FAT4: variants seen among roughly 807,000 people sequenced by gnomAD.
The protein encoded by FAT4 is FAT atypical cadherin 4, also known as protocadherin Fat 4.
In FAT4, 84 loss-of-function variants were observed where a neutral mutation model predicts 303.9. The observed-to-expected ratio is 0.28, with a 90% confidence interval of 0.23 to 0.33. FAT4 has a LOEUF of 0.33. Ranked by LOEUF, FAT4 falls within the 10% of genes least tolerant of loss-of-function variation. The pLI, the probability that FAT4 is intolerant of heterozygous loss-of-function variation, is 1.00. For missense variants in FAT4, 6,005 were observed against 6,146.8 expected (o/e 0.98, Z 0.77); for synonymous variants, 2,307 against 2,298.8 (o/e 1.00, Z -0.10).
At chr4:125,469,566 T>C (rs1012850552) in intron 12 of FAT4, among the ~76,000 whole-genome samples, 1 of 152,226 alleles carries the variant, frequency 6.6e-6, no homozygotes, top group African/African-American at 2.4e-5. Context: ...ATTTCAACAA[T>C]GTTCACAGCA....
At position 125,444,524 on chromosome 4, in the gene FAT4, A is replaced by C. The variant is rs148400481; in HGVS notation, c.7200-1769A>C. ...AACACTGTTACAATGACTAATTTCA[A>C]GGAACATTTAAATGATAGCAAGTCT... On this transcript the variant is annotated intron_variant, in intron 8 of 17. Coordinates refer to ENST00000394329, the MANE Select transcript of FAT4 (RefSeq NM_001291303.3). 2.0e-5 allele frequency among the ~76,000 whole-genome samples: 3 copies of C among 152,266 alleles called. No individual in the cohort carries two copies. The South Asian group carries it at 6.2e-4, about 32-fold the overall frequency.
At position 125,491,493 on chromosome 4, in the gene FAT4, C is replaced by G. The variant is rs765997899; in HGVS notation, c.14677C>G (p.Arg4893Gly). ...TAATTATGGAGCCAGACTGAAGCCT[C>G]GAAGGTACCACGGTCGCAGGGCCGA... ...EDNYGARLKP[R>G]RYHGRRAEGG... Residue 4893 changes from arginine to glycine, a missense_variant, in exon 18 of 18, where the codon CGA becomes GGA. By Grantham distance (125) the Arg-to-Gly change is moderately radical. Transcript: ENST00000394329. 2 of 1,614,026 alleles carry G rather than the reference C, an allele frequency of 1.2e-6. No individual in the cohort carries two copies. Among genetic ancestry groups the G allele is most frequent in the African/African-American group, 1.3e-5 (1 of 74,918 alleles).
chr4:125,489,863 TTTTTTG>T (rs773512819), intron 17 of FAT4, 32 bp from the exon 18 acceptor site: 10 of 1,122,036 alleles, frequency 8.9e-6, no homozygotes, highest in Admixed American at 8.3e-5. Flanking sequence ...TTTTTTTTTT[TTTTTTG>T]TAAAAAGCCT....
rs562904313 is a variant in FAT4 at position 125,338,388 on chromosome 4, A to G, written c.5175+16802A>G. Reference sequence around the variant, plus strand: ...CTTGTTCTTATGTTTTATTGTGGATAATGTGTTGGCCTTTGTACTACCTTC... The same window carrying G: ...CTTGTTCTTATGTTTTATTGTGGATGATGTGTTGGCCTTTGTACTACCTTC... On this transcript the variant is annotated intron_variant, in intron 2 of 17. Coordinates refer to ENST00000394329, the MANE Select transcript of FAT4 (RefSeq NM_001291303.3). Among the ~76,000 whole-genome samples the G allele has an allele frequency of 3.9e-5, 6 of 152,306 alleles. No homozygotes were observed. In the East Asian group the frequency reaches 1.2e-3, roughly 29 times the overall value.
intron 8 of FAT4, among the ~76,000 whole-genome samples, chr4:125,440,618 A>T (rs1298001619): frequency 2.5e-4 from 35 of 139,906 alleles, no homozygotes; most frequent in African/African-American, 8.5e-4. Context: ...TGTGAGAGAG[A>T]GAGAGAGAGA....
intron 11 of FAT4, among the ~76,000 whole-genome samples, chr4:125,466,279 G>T (rs1324299975): frequency 6.6e-6 from 1 of 151,906 alleles, no homozygotes; most frequent in African/African-American, 2.4e-5. Context: ...ATTCCATAAA[G>T]AAATATTTTC....
intron 2 of FAT4, among the ~76,000 whole-genome samples, chr4:125,380,373 A>G (rs1160879180): frequency 6.6e-6 from 1 of 151,860 alleles, no homozygotes; most frequent in African/African-American, 2.4e-5. Flanking sequence ...TACAGAAAAT[A>G]CTTTTAAAAA....
intron 2 of FAT4, among the ~76,000 whole-genome samples, chr4:125,375,014 A>G (rs573268514): frequency 6.6e-6 from 1 of 152,318 alleles, no homozygotes; most frequent in Non-Finnish European, 1.5e-5. Context: ...GGTGTTACTT[A>G]AATTCATAGG....
intron 2 of FAT4, among the ~76,000 whole-genome samples, chr4:125,360,847 C>T (rs1469278770): frequency 6.6e-6 from 1 of 150,552 alleles, no homozygotes; most frequent in Non-Finnish European, 1.5e-5. Flanking sequence ...TATGGTCTTG[C>T]TTAATTTCAC....
chr4:125,463,800 T>G, intron 11 of FAT4, 133 bp downstream of exon 11: 2 of 516,656 alleles, frequency 3.9e-6, no homozygotes, highest in Non-Finnish European at 6.9e-6. Flanking sequence ...AAATAAAATC[T>G]TAAATGTTTA....
Position 125,490,099 on chromosome 4 carries a change from C to T in FAT4, c.13283C>T (p.Pro4428Leu). ...INQWYAYRCV[P>L]PGDCASHPCQ... ...CAGTGGTATGCCTACAGGTGTGTCC[C>T]TCCTGGGGACTGTGCCTCCCACCCG... Residue 4428 changes from proline (P) to leucine (L), a missense_variant, in exon 18 of 18, where the codon CCT becomes CTT. Physicochemically the swap from Pro to Leu is moderately conservative, Grantham distance 98 (BLOSUM62 -3). Transcript: ENST00000394329. The T allele has an allele frequency of 6.8e-6, 11 of 1,614,074 alleles. No individual in the cohort carries two copies. The highest frequency in any genetic ancestry group is 9.3e-6 in the Non-Finnish European group (11 of 1,180,008).
chr4:125,362,259 G>T (rs1409969647), intron 2 of FAT4, among the ~76,000 whole-genome samples: 1 of 151,934 alleles, frequency 6.6e-6, no homozygotes, highest in Non-Finnish European at 1.5e-5. Flanking sequence ...ACTTTTTAGG[G>T]ATATGCAGAC....
At chr4:125,423,947 A>G (rs895443848) in intron 7 of FAT4, among the ~76,000 whole-genome samples, 1 of 152,166 alleles carries the variant, frequency 6.6e-6, no homozygotes, top group Non-Finnish European at 1.5e-5. Context: ...GAATGGGTGT[A>G]TTTACCTAAT....
At chr4:125,361,645 G>A (rs1732675395) in intron 2 of FAT4, among the ~76,000 whole-genome samples, 1 of 152,184 alleles carries the variant, frequency 6.6e-6, no homozygotes, top group Non-Finnish European at 1.5e-5. Context: ...TACAAACTGT[G>A]GGTTATTATA....
intron 2 of FAT4, among the ~76,000 whole-genome samples, chr4:125,392,455 A>G (rs1734010980): frequency 6.6e-6 from 1 of 152,194 alleles, no homozygotes. Context: ...CTATCCTGCC[A>G]ACTATTTAAA....
intron 10 of FAT4, among the ~76,000 whole-genome samples, chr4:125,456,177 A>C (rs1015487169): frequency 2.6e-5 from 4 of 152,186 alleles, no homozygotes; most frequent in Admixed American, 1.3e-4. Flanking sequence ...AAAGGTAGGA[A>C]CGATGCTGAA....
intron 2 of FAT4, among the ~76,000 whole-genome samples, chr4:125,340,805 T>C (rs138885761): frequency 6.6e-6 from 1 of 152,208 alleles, no homozygotes; most frequent in East Asian, 1.9e-4. Context: ...GTAGTAGTAG[T>C]AGGATAATCA....
chr4:125,361,349 T>A (rs1732659052), intron 2 of FAT4, among the ~76,000 whole-genome samples: 1 of 152,152 alleles, frequency 6.6e-6, no homozygotes, highest in African/African-American at 2.4e-5. Context: ...AAGAATGAGA[T>A]CCATCAAATT....
In FAT4 at chr4:125,381,734, G is replaced by A. The variant is rs76488398; in HGVS notation, c.5176-17050G>A. Among the ~76,000 whole-genome samples the A allele has an allele frequency of 5.6e-3, 847 of 152,174 alleles. 35 individuals carry two copies. In the East Asian group the frequency reaches 0.082, roughly 15 times the overall value. On this transcript the variant is annotated intron_variant, in intron 2 of 17. Coordinates refer to ENST00000394329, the MANE Select transcript of FAT4 (RefSeq NM_001291303.3). ...TTTGCGGCTTTGATTGAGTCTGACT[G>A]TCATGAAAGATTTCTCTGTAGCATT...
Sources: gnomAD v4.1 joint callset for allele counts (sites outside exome capture counted in the v4.1 genomes callset) on GRCh38, gnomAD v4.1.1 for gene constraint, MANE v1.5 for transcripts, NCBI Gene and HGNC (gene_info 2026-07-23, HGNC 2026-07-21) for gene names.